Variants in ZNF75D observed in about 807,000 individuals in gnomAD.
ZNF75D encodes zinc finger protein 75D, also known as zinc finger protein 75.
In ZNF75D, 33 loss-of-function variants were observed where a neutral mutation model predicts 33.3. The observed-to-expected ratio is 0.99, with a 90% CI of 0.75 to 1.32. The LOEUF is 1.32. Among genes scored for constraint, ZNF75D ranks in the 40% most tolerant of loss-of-function variants. ZNF75D has a pLI of 0.00. For missense variants in ZNF75D, 338 were observed against 367.5 expected, an observed-to-expected ratio of 0.92 and a Z score of 0.66; for synonymous variants, 113 against 130.6, an observed-to-expected ratio of 0.87 and a Z score of 0.92.
Position 135,287,847 on chromosome X carries a change from C to T in ZNF75D, c.824-1G>A. 8.5e-7 allele frequency: 1 copy of T among 1,175,619 alleles called. No homozygotes were observed. Among genetic ancestry groups the T allele is most frequent in the African/African-American group, 1.8e-5 (1 of 56,696 alleles). On this transcript the variant is annotated splice_acceptor_variant, in intron 6 of 6. Coordinates refer to ENST00000370766, the MANE Select transcript of ZNF75D (RefSeq NM_007131.5). LOFTEE classifies it high-confidence loss of function. ...CCAGTGTCATTTTTTAGCTTTAACC[C>T]TGTTAGAATAAACAGAATAATCAGC...
chrX:135,332,640 T>C (rs782114023), intron 1 of ZNF75D, among the ~76,000 whole-genome samples: 3 of 111,997 alleles, frequency 2.7e-5, no homozygotes, highest in South Asian at 3.7e-4. Context: ...AGCAGCCCAA[T>C]TGGACTAAGT....
intron 1 of ZNF75D, among the ~76,000 whole-genome samples, chrX:135,329,306 C>T (rs782710859): frequency 5.3e-4 from 59 of 110,666 alleles, no homozygotes; most frequent in Non-Finnish European, 5.5e-4. Flanking sequence ...TTTATTGAGA[C>T]GGAGTCTTAC....
intron 1 of ZNF75D, among the ~76,000 whole-genome samples, chrX:135,317,550 T>C (rs1160683452): frequency 9.0e-6 from 1 of 110,571 alleles, no homozygotes; most frequent in Non-Finnish European, 1.9e-5. Context: ...GTGATGGCAG[T>C]GGTGGTGGTG....
chrX:135,291,750 C>A (rs922982114), intron 4 of ZNF75D, 187 bp from the exon 5 acceptor site: 12 of 469,519 alleles, frequency 2.6e-5, no homozygotes, highest in Non-Finnish European at 4.2e-5. Flanking sequence ...CTCATACAAC[C>A]AGTTCCCCAG....
intron 1 of ZNF75D, among the ~76,000 whole-genome samples, chrX:135,266,911 G>C (rs2083865013): frequency 8.9e-6 from 1 of 111,771 alleles, no homozygotes. Flanking sequence ...AAAATATCAA[G>C]CATCTTTTCT....
chrX:135,299,443 C>T (rs782753231), intron 1 of ZNF75D, among the ~76,000 whole-genome samples: 47 of 111,752 alleles, frequency 4.2e-4, no homozygotes, highest in Middle Eastern at 4.7e-3. Flanking sequence ...TTTGGAGAAA[C>T]TTTTTTCAGA....
rs2084030506 is a variant in ZNF75D at position 135,291,010 on chromosome X, T to C, written c.822A>G (p.Leu274=). 1 of 1,206,802 alleles carries C rather than the reference T, an allele frequency of 8.3e-7. No homozygotes were observed. Among genetic ancestry groups the C allele is most frequent in the African/African-American group, 1.7e-5 (1 of 57,768 alleles). Residue 274 remains leucine (L), a splice_region_variant and synonymous_variant, in exon 6 of 7, where the codon CTA becomes CTG. Coordinates refer to ENST00000370766, the MANE Select transcript of ZNF75D (RefSeq NM_007131.5). ...MQDIYETVIS[L]GLKLKNDTGN... ...ACAATGGGAAGGAAGAATCTTTACC[T>C]AGAGAGATGACAGTCTCATAGATAT...
At chrX:135,253,707 G>A (rs1189726931) in intron 2 of ZNF75D, 2 of 236,421 alleles carry the variant, frequency 8.5e-6, no homozygotes, top group Non-Finnish European at 1.5e-5. Flanking sequence ...AGACCCAGGG[G>A]AGAGGGTGAG....
rs377749446 is a variant in ZNF75D, at chrX:135,264,200, AG to A, written n.828-8424del. Among the ~76,000 whole-genome samples, 72 of 111,927 alleles carry A rather than the reference AG, an allele frequency of 6.4e-4. 2 individuals are homozygous for A. In the South Asian group the frequency reaches 0.026, roughly 40 times the overall value. On this transcript the variant is annotated intron_variant and non_coding_transcript_variant, in intron 1 of 3. Transcript: ENST00000494295. Reference sequence around the variant, plus strand: ...AGGGGAAGCAAGCACATGGTGGAGCAGGAGAGACAGACAGCAAAGGAGGGAG... The same window carrying A: ...AGGGGAAGCAAGCACATGGTGGAGCAGAGAGACAGACAGCAAAGGAGGGAG...
chrX:135,269,441 G>T (rs1556416669), intron 1 of ZNF75D, among the ~76,000 whole-genome samples: 1 of 112,046 alleles, frequency 8.9e-6, no homozygotes, highest in Non-Finnish European at 1.9e-5. Flanking sequence ...ATGGACAAAA[G>T]ATCTGAATAG....
intron 1 of ZNF75D, among the ~76,000 whole-genome samples, chrX:135,267,353 T>C (rs1310106015): frequency 9.1e-6 from 1 of 110,446 alleles, no homozygotes; most frequent in Non-Finnish European, 1.9e-5. Context: ...ATAAACAAAA[T>C]TGGCAAACCT....
At chrX:135,275,978 C>T (rs1356409460) in intron 1 of ZNF75D, among the ~76,000 whole-genome samples, 1 of 111,528 alleles carries the variant, frequency 9.0e-6, no homozygotes, top group Admixed American at 9.6e-5. Context: ...TAATCCATGG[C>T]AATGGTTTGC....
intron 1 of ZNF75D, among the ~76,000 whole-genome samples, chrX:135,339,020 A>C (rs2084751434): frequency 2.0e-5 from 2 of 101,836 alleles, no homozygotes; most frequent in Admixed American, 1.1e-4. Flanking sequence ...CCCAATCCTC[A>C]CTTCCTTCTC....
intron 1 of ZNF75D, among the ~76,000 whole-genome samples, chrX:135,260,058 C>T (rs1379459185): frequency 3.6e-5 from 4 of 111,636 alleles, no homozygotes; most frequent in Non-Finnish European, 5.7e-5. Context: ...TAATCATGTG[C>T]TTTTTGTTGT....
chrX:135,339,615 C>CCT (rs1569496184), intron 1 of ZNF75D, among the ~76,000 whole-genome samples: 1 of 112,018 alleles, frequency 8.9e-6, no homozygotes, highest in Non-Finnish European at 1.9e-5. Flanking sequence ...CCCAAGCCTC[C>CCT]CTCCAGGGTC....
intron 1 of ZNF75D, among the ~76,000 whole-genome samples, chrX:135,260,260 T>C (rs782741791): frequency 8.9e-6 from 1 of 112,074 alleles, no homozygotes; most frequent in African/African-American, 3.2e-5. Context: ...ATTTTCTTTT[T>C]TTGTTGTGTC....
intron 1 of ZNF75D, among the ~76,000 whole-genome samples, chrX:135,332,346 T>C (rs2084661184): frequency 1.8e-5 from 2 of 111,258 alleles, no homozygotes; most frequent in Non-Finnish European, 3.8e-5. Flanking sequence ...ACTTCATATG[T>C]TGAAATCCTA....
downstream of ZNF75D, among the ~76,000 whole-genome samples, chrX:135,281,054 G>T (rs1318814153): frequency 9.0e-6 from 1 of 111,505 alleles, no homozygotes; most frequent in East Asian, 2.8e-4. Flanking sequence ...GGTTGGGGAA[G>T]TTCTCCTGGA....
rs1170952737 is a variant in ZNF75D, at chrX:135,275,507, G to T, written n.828-19730C>A. On this transcript the variant is annotated intron_variant and non_coding_transcript_variant, in intron 1 of 3. Transcript: ENST00000494295. ...GTGGTTTTTTTGGGTCCCTGCATAA[G>T]ACTGTAGCCTCCAAGGTAGATTGAG... 3.6e-5 allele frequency among the ~76,000 whole-genome samples: 4 copies of T among 111,270 alleles called. 1 individual carries two copies. The highest frequency in any genetic ancestry group is 7.5e-4 in the South Asian group (2 of 2,665).
Sources: gnomAD v4.1 joint callset for allele counts (sites outside exome capture counted in the v4.1 genomes callset) on GRCh38, gnomAD v4.1.1 for gene constraint, MANE v1.5 for transcripts, NCBI Gene and HGNC (gene_info 2026-07-23, HGNC 2026-07-21) for gene names.